GNPDA2: variants seen among roughly 807,000 people sequenced by gnomAD.
GNPDA2 encodes glcN6P deaminase 2.
Under a neutral mutation model 27.0 loss-of-function variants are expected in GNPDA2, and 24 were observed. The ratio of observed to expected loss-of-function variants is 0.89; its 90% CI spans 0.64 to 1.25. The LOEUF (loss-of-function observed/expected upper bound fraction) is 1.25. Among genes scored for constraint, GNPDA2 ranks in the 50% most tolerant of loss-of-function variants. The probability of loss-of-function intolerance (pLI) is 0.00; values close to 1 mark genes in which losing one functional copy is unlikely to be tolerated. For missense variants in GNPDA2, 286 were observed against 335.1 expected, an observed-to-expected ratio of 0.85 and a Z score of 1.14; for synonymous variants, 94 against 108.4, an observed-to-expected ratio of 0.87 and a Z score of 0.83.
At chr4:44,714,765 A>G (rs1717176495) in intron 4 of GNPDA2, 1 of 570,712 alleles carries the variant, frequency 1.8e-6, no homozygotes, top group Admixed American at 6.3e-5. Context: ...ATGAATACAT[A>G]TCCAATAATA....
At chr4:44,712,801 T>C (rs923705793) in intron 4 of GNPDA2, among the ~76,000 whole-genome samples, 13 of 152,198 alleles carry the variant, frequency 8.5e-5, no homozygotes, top group African/African-American at 1.2e-4. Flanking sequence ...GGTCAAGGTA[T>C]TTGCTTGTTG....
At chr4:44,720,114 T>G (rs1190990553) in intron 2 of GNPDA2, among the ~76,000 whole-genome samples, 2 of 152,114 alleles carry the variant, frequency 1.3e-5, no homozygotes, top group Non-Finnish European at 2.9e-5. Context: ...AAGAGGAAAC[T>G]AACTCAGAGC....
rs975548249 is a variant in GNPDA2, at chr4:44,704,089, A to G, written c.770-947T>C. On this transcript the variant is annotated intron_variant, in intron 6 of 6. Coordinates refer to ENST00000295448, the MANE Select transcript of GNPDA2 (RefSeq NM_138335.3). Reference sequence around the variant, plus strand: ...GCTGCAAAAAGGACTCTAAAATCCCAGCTTTGAGAAAGACCCACTTTTAAG... The same window carrying G: ...GCTGCAAAAAGGACTCTAAAATCCCGGCTTTGAGAAAGACCCACTTTTAAG... The G allele has an allele frequency of 5.1e-6, 5 of 985,034 alleles. No individual in the cohort carries two copies. In the Admixed American group the frequency reaches 2.5e-4, roughly 49 times the overall value. The allele number at this position is 985,034 out of a possible 1,614,324, so 61.0% of individuals were successfully genotyped here.
chr4:44,724,384 G>C (rs558561314), intron 1 of GNPDA2, among the ~76,000 whole-genome samples: 6 of 152,038 alleles, frequency 3.9e-5, no homozygotes, highest in Admixed American at 1.3e-4. Flanking sequence ...ATTTTCCTTC[G>C]GGTAGATACC....
chr4:44,705,753 T>C (rs1716560770), intron 6 of GNPDA2: 1 of 152,072 alleles, frequency 6.6e-6, no homozygotes, highest in Admixed American at 6.6e-5. Context: ...CTGATTTTGA[T>C]TTCTATTACC....
intron 1 of GNPDA2, among the ~76,000 whole-genome samples, chr4:44,724,254 C>T (rs1019102460): frequency 6.6e-6 from 1 of 152,064 alleles, no homozygotes; most frequent in Non-Finnish European, 1.5e-5. Context: ...TTTGATTTAG[C>T]TTTAGGAAGT....
rs1226846872 is a variant in GNPDA2, at chr4:44,710,994, C to A, written c.553G>T (p.Ala185Ser). 1 of 1,612,234 alleles carries A rather than the reference C, an allele frequency of 6.2e-7. No individual in the cohort carries two copies. Among genetic ancestry groups the A allele is most frequent in the Admixed American group, 1.7e-5 (1 of 59,758 alleles). The change falls in exon 5 of 7, where the codon GCT (alanine) becomes TCT (serine). Residue 185 changes from alanine to serine, a missense_variant. Physicochemically the swap from Ala to Ser is moderately conservative, Grantham distance 99. Coordinates refer to ENST00000295448, the MANE Select transcript of GNPDA2 (RefSeq NM_138335.3). ...DGDLSKVPTM[A>S]LTVGVGTVMD... Reference sequence around the variant, plus strand: ...ACTGTCCCCACACCAACAGTTAGAGCCATAGTTGGCACTTTTGATAAATCT... The same window carrying A: ...ACTGTCCCCACACCAACAGTTAGAGACATAGTTGGCACTTTTGATAAATCT...
At chr4:44,713,570 T>C (rs1016096074) in intron 4 of GNPDA2, among the ~76,000 whole-genome samples, 3 of 152,302 alleles carry the variant, frequency 2.0e-5, no homozygotes, top group African/African-American at 7.2e-5. Flanking sequence ...CTGTCTTCTT[T>C]TATTTTTACT....
Position 44,702,859 on chromosome 4 carries a change from T to G in GNPDA2, c.*222A>C, listed in dbSNP as rs1716359280. On this transcript the variant is annotated 3_prime_UTR_variant, in exon 7 of 7. Coordinates refer to ENST00000295448, the MANE Select transcript of GNPDA2 (RefSeq NM_138335.3). ...AGGTGGCTATGTGACTTCAGTACTT[T>G]ATAATAAATAGCCAGTCAATCTTGA... The G allele has an allele frequency of 2.2e-6, 3 of 1,379,080 alleles. No homozygotes were observed. Among genetic ancestry groups the G allele is most frequent in the Non-Finnish European group, 2.8e-6 (3 of 1,073,764 alleles). The allele number at this position is 1,379,080 out of a possible 1,614,324, so 85.4% of individuals were successfully genotyped here. A position where few individuals can be genotyped will look rare whatever the true frequency, so the allele number is the denominator to read the frequency against.
intron 4 of GNPDA2, chr4:44,714,483 G>A: frequency 2.0e-6 from 2 of 985,316 alleles, no homozygotes; most frequent in Admixed American, 6.1e-5. Context: ...ATGAGCAATA[G>A]CAGATTAACA....
chr4:44,724,970 G>A (rs781387180), intron 1 of GNPDA2, among the ~76,000 whole-genome samples: 5 of 152,052 alleles, frequency 3.3e-5, no homozygotes, highest in Admixed American at 6.6e-5. Context: ...TGGCTGTAAT[G>A]AACATCAAAA....
intron 2 of GNPDA2, among the ~76,000 whole-genome samples, chr4:44,719,968 A>C (rs1011216588): frequency 1.3e-5 from 2 of 152,124 alleles, no homozygotes; most frequent in Non-Finnish European, 2.9e-5. Context: ...CACAGGAAAA[A>C]CATTATAAAT....
In GNPDA2 at chr4:44,716,866, G is replaced by A. The variant is rs185835482; in HGVS notation, c.409+247C>T. 9.2e-5 allele frequency among the ~76,000 whole-genome samples: 14 copies of A among 151,838 alleles called. No individual in the cohort carries two copies. In the East Asian group the frequency reaches 2.1e-3, roughly 23 times the overall value. The stretch of plus-strand genomic sequence containing the variant: ...AAAGAGGTAATTAACAGAGTTTAAC[G>A]GGGATTGGGATCTACCTCTCAAGGC... On this transcript the variant is annotated intron_variant, in intron 4 of 6. Transcript: ENST00000295448.
chr4:44,703,717 G>C, intron 6 of GNPDA2: 1 of 982,574 alleles, frequency 1.0e-6, no homozygotes, highest in Non-Finnish European at 1.2e-6. Context: ...TAGAAATTAC[G>C]ATTTTAAATC....
At chr4:44,715,714 A>G (rs1007694715) in intron 4 of GNPDA2, among the ~76,000 whole-genome samples, 2 of 152,104 alleles carry the variant, frequency 1.3e-5, no homozygotes, top group Non-Finnish European at 2.9e-5. Flanking sequence ...AAGTAATATT[A>G]GTAAATTTTA....
At chr4:44,724,654 T>C (rs12640665) in intron 1 of GNPDA2, among the ~76,000 whole-genome samples, 11,767 of 152,224 alleles carry the variant, frequency 0.077, 537 homozygotes, top group Admixed American at 0.13. Flanking sequence ...ACCCACACAC[T>C]TTACATAGAG....
At position 44,702,512 on chromosome 4, in the gene GNPDA2, G is replaced by C. The variant is rs1008329056; in HGVS notation, c.*569C>G. On this transcript the variant is annotated 3_prime_UTR_variant, in exon 7 of 7. Transcript: ENST00000295448. ...CATACTTTCCAAAAGGATGTAAACT[G>C]TACTTTTAGGCACTGTCATCTCTTC... 1.0e-6 allele frequency: 1 copy of C among 985,568 alleles called. No homozygotes were observed. Among genetic ancestry groups the C allele is most frequent in the African/African-American group, 1.7e-5 (1 of 57,198 alleles). 61.1% of individuals were successfully genotyped at this position (985,568 alleles called of 1,614,324 possible). A position where few individuals can be genotyped will look rare whatever the true frequency, so the allele number is the denominator to read the frequency against.
In GNPDA2 at chr4:44,718,361, A is replaced by G. The variant is rs568961888; in HGVS notation, c.174T>C (p.Asn58=). The part of the protein sequence containing the change: ...CYKKLIEYHK[N]GHLSFKYVKT... ...TCACATATTTAAAAGAAAGGTGTCCATTCTTATGATATTCTATTAGTTTTT... is the reference window on the plus strand; with the variant it reads ...TCACATATTTAAAAGAAAGGTGTCCGTTCTTATGATATTCTATTAGTTTTT... The change falls in exon 3 of 7, where the codon AAT becomes AAC. Residue 58 remains asparagine (N), a synonymous_variant. Coordinates refer to ENST00000295448, the MANE Select transcript of GNPDA2 (RefSeq NM_138335.3). 2 of 1,384,532 alleles carry G rather than the reference A, an allele frequency of 1.4e-6. No homozygotes were observed. The highest frequency in any genetic ancestry group is 2.7e-5 in the South Asian group (2 of 75,064). The allele number at this position is 1,384,532 out of a possible 1,614,324, so 85.8% of individuals were successfully genotyped here.
At chr4:44,708,231 GAAAC>G (rs1463021837) in intron 5 of GNPDA2, among the ~76,000 whole-genome samples, 1 of 151,962 alleles carries the variant, frequency 6.6e-6, no homozygotes, top group Non-Finnish European at 1.5e-5. Context: ...TGAAGAAAAA[GAAAC>G]AAAAGGACTG....
Sources: gnomAD v4.1 joint callset for allele counts (sites outside exome capture counted in the v4.1 genomes callset) on GRCh38, gnomAD v4.1.1 for gene constraint, MANE v1.5 for transcripts, NCBI Gene and HGNC (gene_info 2026-07-23, HGNC 2026-07-21) for gene names.